The following MKLN1 variants were observed in gnomAD, a reference collection of about 807,000 sequenced individuals.
MKLN1 encodes the protein muskelin.
Under a neutral mutation model 99.0 loss-of-function variants are expected in MKLN1, and 18 were observed. The ratio of observed to expected loss-of-function variants is 0.18; its 90% CI spans 0.13 to 0.27. MKLN1 has a LOEUF of 0.27. Among genes scored for constraint, MKLN1 ranks in the 10% least tolerant of loss-of-function variants. The pLI, the probability that MKLN1 is intolerant of heterozygous loss-of-function variation, is 1.00. For synonymous variants in MKLN1, 288 were observed against 293.2 expected, an observed-to-expected ratio of 0.98 and a Z score of 0.18; for missense variants, 621 against 875.9, an observed-to-expected ratio of 0.71 and a Z score of 3.67.
intron 4 of MKLN1, among the ~76,000 whole-genome samples, chr7:131,392,338 C>T (rs1393116766): frequency 6.6e-6 from 1 of 152,046 alleles, no homozygotes; most frequent in Admixed American, 6.6e-5. Context: ...TGGCTGGATG[C>T]AGCATGAAAT....
intron 2 of MKLN1, among the ~76,000 whole-genome samples, chr7:131,378,269 G>A (rs891885654): frequency 6.6e-6 from 1 of 151,962 alleles, no homozygotes; most frequent in South Asian, 2.1e-4. Context: ...GCACCACCAC[G>A]CCCAGCTAAT....
chr7:131,225,030 G>A (rs528578516), intron 3 of MKLN1, among the ~76,000 whole-genome samples: 1 of 150,670 alleles, frequency 6.6e-6, no homozygotes, highest in East Asian at 1.9e-4. Context: ...CCAAGATCGT[G>A]CCACTGCAGT....
intron 1 of MKLN1, among the ~76,000 whole-genome samples, chr7:131,367,224 T>C (rs1800209477): frequency 6.6e-6 from 1 of 152,218 alleles, no homozygotes; most frequent in East Asian, 1.9e-4. Flanking sequence ...TTGGTAAGAA[T>C]GAAAATGTAC....
chr7:131,356,117 A>G (rs979323645), intron 1 of MKLN1, among the ~76,000 whole-genome samples: 7 of 150,230 alleles, frequency 4.7e-5, no homozygotes, highest in Non-Finnish European at 7.4e-5. Flanking sequence ...GCAAAGTACA[A>G]CTTGGAAGAG....
At chr7:131,357,362 A>G (rs1394542588) in intron 1 of MKLN1, among the ~76,000 whole-genome samples, 1 of 152,064 alleles carries the variant, frequency 6.6e-6, no homozygotes, top group Non-Finnish European at 1.5e-5. Context: ...CATGCCCTTG[A>G]TCACCTCCCT....
At chr7:131,125,568 C>T (rs1220888661) in intron 1 of MKLN1, among the ~76,000 whole-genome samples, 4 of 152,070 alleles carry the variant, frequency 2.6e-5, no homozygotes, top group African/African-American at 7.2e-5. Context: ...GAAGAAAAGA[C>T]GAGCATCCAA....
At chr7:131,356,607 G>A (rs1404257622) in intron 1 of MKLN1, among the ~76,000 whole-genome samples, 2 of 152,112 alleles carry the variant, frequency 1.3e-5, no homozygotes, top group East Asian at 1.9e-4. Flanking sequence ...AGCGATATCC[G>A]GCCAGGCCCA....
intron 3 of MKLN1, among the ~76,000 whole-genome samples, chr7:131,205,487 C>G (rs1275868423): frequency 6.6e-6 from 1 of 152,160 alleles, no homozygotes; most frequent in Non-Finnish European, 1.5e-5. Context: ...CAAATTATCA[C>G]ACATTCAGGG....
chr7:131,264,989 C>T (rs1486905033), intron 3 of MKLN1, among the ~76,000 whole-genome samples: 1 of 152,136 alleles, frequency 6.6e-6, no homozygotes, highest in African/African-American at 2.4e-5. Context: ...CAGGTACCCA[C>T]CACCATGTCT....
intron 1 of MKLN1, among the ~76,000 whole-genome samples, chr7:131,116,758 G>A (rs989187613): frequency 2.6e-5 from 4 of 152,000 alleles, no homozygotes; most frequent in Non-Finnish European, 5.9e-5. Context: ...AAATACAATG[G>A]ATCTTAAAAT....
intron 2 of MKLN1, 99 bp from the exon 3 acceptor site, chr7:131,387,021 G>A: frequency 9.0e-7 from 1 of 1,105,628 alleles, no homozygotes; most frequent in South Asian, 1.6e-5. Context: ...GGACAAGGAT[G>A]GACCTTATAC....
intron 1 of MKLN1, among the ~76,000 whole-genome samples, chr7:131,331,732 CTAAT>C (rs1211662629): frequency 1.3e-5 from 2 of 152,080 alleles, no homozygotes; most frequent in Non-Finnish European, 2.9e-5. Flanking sequence ...TTGTATATGT[CTAAT>C]TGAGATTACA....
At chr7:131,458,421 A>G (rs1347617840) in intron 12 of MKLN1, among the ~76,000 whole-genome samples, 1 of 152,216 alleles carries the variant, frequency 6.6e-6, no homozygotes, top group Middle Eastern at 3.2e-3. Context: ...TGTTGCCTGA[A>G]GAAAAACACT....
chr7:131,258,930 T>C (rs1797694807), intron 3 of MKLN1, among the ~76,000 whole-genome samples: 1 of 152,098 alleles, frequency 6.6e-6, no homozygotes. Context: ...TCTTTTTAGC[T>C]CCCAGAAATG....
At chr7:131,214,776 T>C (rs1428089120) in intron 3 of MKLN1, among the ~76,000 whole-genome samples, 1 of 152,236 alleles carries the variant, frequency 6.6e-6, no homozygotes, top group African/African-American at 2.4e-5. Context: ...CAAATTGGGT[T>C]TGCATTGAAA....
chr7:131,381,874 T>G (rs1793859138), intron 2 of MKLN1, among the ~76,000 whole-genome samples: 1 of 152,304 alleles, frequency 6.6e-6, no homozygotes, highest in East Asian at 1.9e-4. Flanking sequence ...AATTTAAACA[T>G]GTACATGCAT....
chr7:131,460,096 T>C (rs975539725), intron 12 of MKLN1, among the ~76,000 whole-genome samples: 3 of 152,306 alleles, frequency 2.0e-5, no homozygotes, highest in East Asian at 1.9e-4. Context: ...TAGTCCCTGC[T>C]CCTTTTTATG....
chr7:131,327,569 T>G (rs1469655644), upstream of MKLN1: 3 of 269,346 alleles, frequency 1.1e-5, no homozygotes, highest in African/African-American at 6.7e-5. Flanking sequence ...TCCTGCTCCA[T>G]AACTACAACG....
At position 131,487,698 on chromosome 7, in the gene MKLN1, A is replaced by G. The variant is rs1482162152; in HGVS notation, c.2178A>G (p.Lys726=). 6.2e-7 allele frequency: 1 copy of G among 1,613,136 alleles called. No homozygotes were observed. Among genetic ancestry groups the G allele is most frequent in the Non-Finnish European group, 8.5e-7 (1 of 1,179,356 alleles). Residue 726 remains lysine (K), a synonymous_variant, in exon 18 of 18, where the codon AAA becomes AAG. Transcript: ENST00000352689. This position sits in a 1 kb window ranked among gnomAD's most constrained non-coding sequence, Gnocchi z 4.7. ...TTCCTGACAGCATGACTCCTCCTAA[A>G]GGCAACCTGGTAGACCTCATCACAC... is the stretch of plus-strand genomic sequence containing the variant. ...NFFPDSMTPP[K]GNLVDLITL
Sources: gnomAD v4.1 joint callset for allele counts (sites outside exome capture counted in the v4.1 genomes callset) on GRCh38, gnomAD v4.1.1 for gene constraint, Gnocchi (gnomAD v3.1) non-coding constraint, MANE v1.5 for transcripts, NCBI Gene and HGNC (gene_info 2026-07-23, HGNC 2026-07-21) for gene names.